R3HDM2: variants seen among roughly 807,000 people sequenced by gnomAD.
R3HDM2 encodes the protein R3H domain-containing protein 2.
A neutral mutation model predicts 124.5 loss-of-function variants in R3HDM2; 38 were observed. That is an observed-to-expected ratio of 0.31 (90% CI 0.24 to 0.40). R3HDM2 has a LOEUF of 0.40. R3HDM2 is among the 10% of genes least tolerant of loss of function. R3HDM2 has a pLI of 1.00. For missense variants in R3HDM2, 869 were observed against 1,236.9 expected, an observed-to-expected ratio of 0.70 and a Z score of 4.46; for synonymous variants, 391 against 448.0, an observed-to-expected ratio of 0.87 and a Z score of 1.61.
At chr12:57,285,271 TC>T (rs1232066940) in intron 12 of R3HDM2, among the ~76,000 whole-genome samples, 1 of 152,126 alleles carries the variant, frequency 6.6e-6, no homozygotes, top group Non-Finnish European at 1.5e-5. Flanking sequence ...AAAACACCTT[TC>T]TTTATTAGAA....
chr12:57,256,904 T>C (rs1056682296), intron 21 of R3HDM2, among the ~76,000 whole-genome samples: 7 of 151,900 alleles, frequency 4.6e-5, no homozygotes, highest in Non-Finnish European at 1.0e-4. Flanking sequence ...CTGCAACCTC[T>C]GCCTCCTGGG....
intron 2 of R3HDM2, among the ~76,000 whole-genome samples, chr12:57,341,854 C>T (rs1246360051): frequency 6.6e-6 from 1 of 152,176 alleles, no homozygotes; most frequent in African/African-American, 2.4e-5. Context: ...CCAAAGAGAA[C>T]AGAAATCACC....
intron 2 of R3HDM2, among the ~76,000 whole-genome samples, chr12:57,380,436 A>G (rs542309687): frequency 5.9e-5 from 9 of 152,328 alleles, no homozygotes; most frequent in Admixed American, 1.3e-4. Context: ...GGAAAAGAGA[A>G]TACAGCAACA....
chr12:57,388,256 C>G (rs1448296136), intron 2 of R3HDM2, among the ~76,000 whole-genome samples: 1 of 152,168 alleles, frequency 6.6e-6, no homozygotes, highest in Admixed American at 6.5e-5. Flanking sequence ...TGAGCCACCA[C>G]ACCTGGCCAA....
intron 12 of R3HDM2, among the ~76,000 whole-genome samples, chr12:57,287,974 C>T (rs1395941060): frequency 6.6e-6 from 1 of 150,552 alleles, no homozygotes; most frequent in Non-Finnish European, 1.5e-5. Flanking sequence ...GTATGAAGGA[C>T]ACACTTTAAG....
rs144033955 is a variant in R3HDM2, at chr12:57,387,164, C to G, written c.-36+8585G>C. ...AGATAAGAGAATAAAAGCAGGCTGC[C>G]CGAGCCACCAGTGGCAACCGGCTGG... On this transcript the variant is annotated intron_variant, in intron 2 of 23. Coordinates refer to ENST00000402412, the MANE Select transcript of R3HDM2 (RefSeq NM_001394031.1). 7.5e-3 allele frequency among the ~76,000 whole-genome samples: 1,143 copies of G among 152,158 alleles called. 16 individuals carry two copies. Among genetic ancestry groups the G allele is most frequent in the African/African-American group, 0.026 (1,085 of 41,496 alleles).
chr12:57,423,217 T>C (rs1247703128), intron 1 of R3HDM2, among the ~76,000 whole-genome samples: 1 of 150,630 alleles, frequency 6.6e-6, no homozygotes, highest in Non-Finnish European at 1.5e-5. Context: ...AGGTCAGGAG[T>C]TCAAGACCAG....
At chr12:57,423,356 G>A (rs934283624) in intron 1 of R3HDM2, among the ~76,000 whole-genome samples, 12 of 151,838 alleles carry the variant, frequency 7.9e-5, no homozygotes, top group Admixed American at 1.3e-4. Context: ...CCCAGGAGGC[G>A]GAGGGTGCAG....
At chr12:57,312,038 A>C (rs2054028802) in intron 2 of R3HDM2, among the ~76,000 whole-genome samples, 1 of 152,244 alleles carries the variant, frequency 6.6e-6, no homozygotes, top group African/African-American at 2.4e-5. Flanking sequence ...CAGGTTACTG[A>C]CTGTACTTCA....
chr12:57,255,074 C>T lies in R3HDM2; in HGVS notation c.2672G>A (p.Gly891Asp), dbSNP rs1334328402. 1 of 1,607,336 alleles carries T rather than the reference C, an allele frequency of 6.2e-7. No individual in the cohort carries two copies. Residue 891 changes from glycine (G) to aspartate (D), a missense_variant, in exon 24 of 24, where the codon GGC (glycine) becomes GAC (aspartate). Physicochemically the swap from Gly to Asp is moderately conservative, Grantham distance 94. Transcript: ENST00000402412. ...RVLEVTDLPE[G>D]ITRTEADKLF... ...TTTGTCCGCCTCAGTACGGGTGATG[C>T]CCTCAGGGAGATCTGTCACCTCCAG...
intron 9 of R3HDM2, 173 bp from the exon 10 acceptor site, chr12:57,295,680 T>TTG (rs1833679939): frequency 1.7e-6 from 1 of 579,078 alleles, no homozygotes; most frequent in African/African-American, 1.9e-5. Context: ...GGGTCTGTAC[T>TTG]TTATACATCT....
At chr12:57,425,993 C>T (rs1594683425) in intron 1 of R3HDM2, among the ~76,000 whole-genome samples, 2 of 152,136 alleles carry the variant, frequency 1.3e-5, no homozygotes, top group Admixed American at 6.6e-5. Flanking sequence ...TTCGGGAGGC[C>T]GAGGCGGGCA....
chr12:57,275,049 T>C (rs2044369836), intron 14 of R3HDM2, among the ~76,000 whole-genome samples: 2 of 152,036 alleles, frequency 1.3e-5, no homozygotes, highest in Admixed American at 6.6e-5. Context: ...GGAGGCAACA[T>C]ACTACCTGAT....
chr12:57,265,415 G>T (rs1390216191), intron 19 of R3HDM2, among the ~76,000 whole-genome samples: 1 of 151,920 alleles, frequency 6.6e-6, no homozygotes, highest in African/African-American at 2.4e-5. Context: ...CAAGAGAAAA[G>T]AAATGCTGTC....
intron 13 of R3HDM2, among the ~76,000 whole-genome samples, chr12:57,282,294 C>A (rs2046343648): frequency 8.4e-6 from 1 of 118,914 alleles, no homozygotes; most frequent in South Asian, 2.9e-4. Context: ...AGCAAGACTC[C>A]ATCTCAAAAA....
chr12:57,405,646 G>A (rs889210814), intron 1 of R3HDM2, among the ~76,000 whole-genome samples: 3 of 151,996 alleles, frequency 2.0e-5, no homozygotes, highest in South Asian at 2.1e-4. Flanking sequence ...AAAGAAGACA[G>A]ACCAACCTAC....
intron 2 of R3HDM2, among the ~76,000 whole-genome samples, chr12:57,372,935 G>C (rs2063552203): frequency 6.6e-6 from 1 of 152,232 alleles, no homozygotes; most frequent in Non-Finnish European, 1.5e-5. Flanking sequence ...GCCAAGCATG[G>C]GGGCTTGTGC....
Position 57,268,358 on chromosome 12 carries a change from C to A in R3HDM2, c.1975G>T (p.Ala659Ser), listed in dbSNP as rs1057509622. 6.2e-7 allele frequency: 1 copy of A among 1,614,032 alleles called. No individual in the cohort carries two copies. Among genetic ancestry groups the A allele is most frequent in the African/African-American group, 1.3e-5 (1 of 74,924 alleles). ...ATGCTATAGTACACTGGTACCCCCG[C>A]TGCTGGGAGGCCTCCTTGCACAGAC... ...SQSVQGGLPA[A>S]GVPVYYSMIP... The change falls in exon 18 of 24, where the codon GCG becomes TCG. Residue 659 changes from alanine to serine, a missense_variant. Physicochemically the swap from Ala to Ser is moderately conservative, Grantham distance 99. Coordinates refer to ENST00000402412, the MANE Select transcript of R3HDM2 (RefSeq NM_001394031.1).
In R3HDM2 at chr12:57,279,824, G is replaced by C. The variant is rs201079978; in HGVS notation, c.1344+534C>G. ...ACCAGTCCAGCAACAGAAGGAGAAG[G>C]ATACAGCCCTTTTGAGTCATGGAAA... On this transcript the variant is annotated intron_variant, in intron 14 of 23. Coordinates refer to ENST00000402412, the MANE Select transcript of R3HDM2 (RefSeq NM_001394031.1). 1.4e-4 allele frequency among the ~76,000 whole-genome samples: 22 copies of C among 152,114 alleles called. No individual in the cohort carries two copies. In the East Asian group the frequency reaches 3.1e-3, roughly 21 times the overall value.
Sources: gnomAD v4.1 joint callset for allele counts (sites outside exome capture counted in the v4.1 genomes callset) on GRCh38, gnomAD v4.1.1 for gene constraint, MANE v1.5 for transcripts, NCBI Gene and HGNC (gene_info 2026-07-23, HGNC 2026-07-21) for gene names.